Variants in NRF1 observed in about 807,000 individuals in gnomAD.
NRF1 encodes the protein nuclear respiratory factor 1.
A neutral mutation model predicts 58.5 loss-of-function variants in NRF1; 5 were observed. That is an observed-to-expected ratio of 0.09 (90% CI 0.04 to 0.18). NRF1 has a LOEUF of 0.18. NRF1 is among the 10% of genes least tolerant of loss of function. NRF1 has a pLI of 1.00. For missense variants in NRF1, 288 were observed against 657.7 expected (o/e 0.44, Z 6.15); for synonymous variants, 224 against 246.7 (o/e 0.91, Z 0.86).
At position 129,741,943 on chromosome 7, in the gene NRF1, G is replaced by A. The variant is rs547086886; in HGVS notation, c.1349-13075G>A. ...GGATAAACATGCTTCCTCTTTGTGC[G>A]ATGCTCTTTCTCCATCCTTCTGCCA... is the stretch of plus-strand genomic sequence containing the variant. On this transcript the variant is annotated intron_variant, in intron 10 of 10. Coordinates refer to ENST00000393232, the MANE Select transcript of NRF1 (RefSeq NM_005011.5). This position sits in a 1 kb window ranked among gnomAD's most constrained non-coding sequence, Gnocchi z 4.0. 2.6e-5 allele frequency among the ~76,000 whole-genome samples: 4 copies of A among 152,300 alleles called. No individual in the cohort carries two copies. Among genetic ancestry groups the A allele is most frequent in the Admixed American group, 1.3e-4 (2 of 15,294 alleles).
At chr7:129,707,670 A>G (rs1032625721) in intron 5 of NRF1, among the ~76,000 whole-genome samples, 2 of 152,328 alleles carry the variant, frequency 1.3e-5, no homozygotes, top group Admixed American at 6.5e-5. Flanking sequence ...CGTTTCTATC[A>G]GCCTGCTGCT....
intron 10 of NRF1, among the ~76,000 whole-genome samples, chr7:129,728,494 A>AAAAC (rs1395059904): frequency 6.8e-6 from 1 of 147,614 alleles, no homozygotes; most frequent in African/African-American, 2.5e-5. Context: ...AAAAAAAAAA[A>AAAAC]CCAATCCTGG....
In NRF1 at chr7:129,664,225, A is replaced by G. The variant is rs368109035; in HGVS notation, c.223+6651A>G. Among the ~76,000 whole-genome samples the G allele has an allele frequency of 2.6e-5, 4 of 152,062 alleles. No homozygotes were observed. In the East Asian group the frequency reaches 7.7e-4, roughly 29 times the overall value. Reference sequence around the variant, plus strand: ...GGTTTTAAAATTTTCTGGGCTACTAAATGACTTAAAGCTGGGCTACATTTT... The same window carrying G: ...GGTTTTAAAATTTTCTGGGCTACTAGATGACTTAAAGCTGGGCTACATTTT... On this transcript the variant is annotated intron_variant, in intron 2 of 10. Transcript: ENST00000393232.
intron 1 of NRF1, among the ~76,000 whole-genome samples, chr7:129,635,800 C>CT (rs543913204): frequency 1.1e-3 from 166 of 152,230 alleles, no homozygotes; most frequent in African/African-American, 3.7e-3. Flanking sequence ...TCCAGCCACT[C>CT]TGTCTATACA....
intron 10 of NRF1, among the ~76,000 whole-genome samples, chr7:129,754,227 A>C (rs186403082): frequency 1.1e-3 from 163 of 152,012 alleles, no homozygotes; most frequent in African/African-American, 3.7e-3. Context: ...TCAGGAGGCC[A>C]AGGTGGGAGG....
rs1330085008 is a variant in NRF1 at position 129,685,930 on chromosome 7, G to T, written c.466-4476G>T. ...TTGAGACCAGCCTGGTTGAAACCCTGTCTGTACTAAAAATGCAAAAAAATA... is the reference window on the plus strand; with the variant it reads ...TTGAGACCAGCCTGGTTGAAACCCTTTCTGTACTAAAAATGCAAAAAAATA... On this transcript the variant is annotated intron_variant, in intron 4 of 10. Transcript: ENST00000393232. 2.0e-5 allele frequency among the ~76,000 whole-genome samples: 3 copies of T among 151,816 alleles called. 1 individual carries two copies. In the East Asian group the frequency reaches 5.8e-4, roughly 29 times the overall value.
intron 2 of NRF1, among the ~76,000 whole-genome samples, chr7:129,665,657 T>TC (rs1202259250): frequency 3.9e-5 from 6 of 152,208 alleles, no homozygotes; most frequent in South Asian, 2.1e-4. Flanking sequence ...AGGGTTTCAC[T>TC]CTGTTGTCCA....
chr7:129,709,312 C>T (rs1378283826), intron 6 of NRF1, 79 bp downstream of exon 6: 1 of 1,255,356 alleles, frequency 8.0e-7, no homozygotes, highest in East Asian at 2.7e-5. Context: ...ATTTCTACAT[C>T]TTGTGCTAGA....
intron 5 of NRF1, among the ~76,000 whole-genome samples, chr7:129,701,823 T>A (rs1584655220): frequency 1.3e-5 from 2 of 152,164 alleles, no homozygotes; most frequent in East Asian, 3.8e-4. Flanking sequence ...AATCTAAATG[T>A]TTATCAGTAG....
At chr7:129,726,155 A>G (rs1305685190) in intron 9 of NRF1, among the ~76,000 whole-genome samples, 1 of 152,232 alleles carries the variant, frequency 6.6e-6, no homozygotes, top group Non-Finnish European at 1.5e-5. Flanking sequence ...GCTAAACTAA[A>G]TGGCACCACC....
chr7:129,643,936 G>A (rs1801349030), intron 1 of NRF1, among the ~76,000 whole-genome samples: 1 of 152,326 alleles, frequency 6.6e-6, no homozygotes, highest in East Asian at 1.9e-4. Context: ...TGCTGTCTGC[G>A]CGTTCATTGA....
intron 5 of NRF1, among the ~76,000 whole-genome samples, chr7:129,698,229 G>A (rs2116147438): frequency 6.6e-6 from 1 of 150,652 alleles, no homozygotes; most frequent in Admixed American, 6.7e-5. Flanking sequence ...TTAGTAAATA[G>A]GATGTTTTAC....
At chr7:129,657,215 G>A in intron 1 of NRF1, 131 bp from the exon 2 acceptor site, 3 of 644,518 alleles carry the variant, frequency 4.7e-6, no homozygotes, top group South Asian at 1.9e-5. Flanking sequence ...GTGACTTGGT[G>A]TGGCACGGTA....
At chr7:129,731,798 G>C (rs982244674) in intron 10 of NRF1, among the ~76,000 whole-genome samples, 3 of 152,066 alleles carry the variant, frequency 2.0e-5, no homozygotes, top group African/African-American at 7.2e-5. Flanking sequence ...TTTTTGTAGA[G>C]ATGGGATCTC....
At chr7:129,703,420 C>A (rs1156230932) in intron 5 of NRF1, among the ~76,000 whole-genome samples, 1 of 152,258 alleles carries the variant, frequency 6.6e-6, no homozygotes, top group Admixed American at 6.5e-5. Context: ...CTCTCCAGGA[C>A]CAGTAATTAA....
At chr7:129,646,709 C>A (rs1208377387) in intron 1 of NRF1, among the ~76,000 whole-genome samples, 3 of 152,214 alleles carry the variant, frequency 2.0e-5, no homozygotes, top group Admixed American at 2.0e-4. Flanking sequence ...CTTCTCTCCC[C>A]TTCCAGTCTC....
chr7:129,747,939 T>A (rs1804017936), intron 10 of NRF1, among the ~76,000 whole-genome samples: 1 of 152,176 alleles, frequency 6.6e-6, no homozygotes, highest in Non-Finnish European at 1.5e-5. Context: ...CATATCATAT[T>A]CAATTATTGA....
At chr7:129,632,581 A>G (rs892357137) in intron 1 of NRF1, among the ~76,000 whole-genome samples, 5 of 151,854 alleles carry the variant, frequency 3.3e-5, no homozygotes, top group Admixed American at 2.0e-4. Context: ...TCAATTTGAT[A>G]TTTATTCTCT....
At chr7:129,632,884 T>C (rs1232226921) in intron 1 of NRF1, among the ~76,000 whole-genome samples, 2 of 152,214 alleles carry the variant, frequency 1.3e-5, no homozygotes, top group Non-Finnish European at 2.9e-5. Context: ...CCAGAGATAC[T>C]ACAGTCAATA....
Sources: allele counts gnomAD v4.1 joint callset (sites outside exome capture counted in the v4.1 genomes callset), GRCh38; gene constraint gnomAD v4.1.1; non-coding constraint Gnocchi (gnomAD v3.1); transcripts MANE v1.5; gene names NCBI Gene and HGNC (gene_info 2026-07-23, HGNC 2026-07-21).